VAV3: variants seen among roughly 807,000 people sequenced by gnomAD.
VAV3 encodes vav guanine nucleotide exchange factor 3.
In VAV3, 94 loss-of-function variants were observed where a neutral mutation model predicts 131.2. That is an observed-to-expected ratio of 0.72 (90% CI 0.61 to 0.85). The LOEUF (loss-of-function observed/expected upper bound fraction) is 0.85. Ranked by LOEUF, VAV3 falls within the 40% of genes least tolerant of loss-of-function variation. The probability of loss-of-function intolerance (pLI) is 0.00; values close to 1 mark genes in which losing one functional copy is unlikely to be tolerated. For synonymous variants in VAV3, 349 were observed against 342.0 expected, an observed-to-expected ratio of 1.02 and a Z score of -0.22; for missense variants, 939 against 1,002.7, an observed-to-expected ratio of 0.94 and a Z score of 0.86.
intron 24 of VAV3, among the ~76,000 whole-genome samples, chr1:107,599,570 T>A (rs1281900292): frequency 1.3e-5 from 2 of 152,142 alleles, no homozygotes; most frequent in African/African-American, 2.4e-5. Context: ...AGAACAAAAT[T>A]AATGCCTTGT....
At chr1:107,795,950 G>A (rs1478718118) in intron 2 of VAV3, among the ~76,000 whole-genome samples, 1 of 152,106 alleles carries the variant, frequency 6.6e-6, no homozygotes, top group African/African-American at 2.4e-5. Context: ...CATTGCTAAC[G>A]CCCATCCCAT....
At chr1:107,650,014 AG>A (rs1656035707) in intron 19 of VAV3, among the ~76,000 whole-genome samples, 1 of 152,060 alleles carries the variant, frequency 6.6e-6, no homozygotes, top group South Asian at 2.1e-4. Flanking sequence ...GCTTTATTTA[AG>A]GGTAGGCCAT....
At chr1:107,666,616 C>T (rs1404380626) in intron 19 of VAV3, among the ~76,000 whole-genome samples, 3 of 149,284 alleles carry the variant, frequency 2.0e-5, no homozygotes, top group Non-Finnish European at 4.4e-5. Flanking sequence ...TGCCACCAGG[C>T]TGGAATGCAG....
intron 19 of VAV3, among the ~76,000 whole-genome samples, chr1:107,659,995 A>G (rs994080035): frequency 6.6e-6 from 1 of 152,232 alleles, no homozygotes; most frequent in Non-Finnish European, 1.5e-5. Flanking sequence ...GACACAGGAA[A>G]GCTTCAGAAA....
intron 1 of VAV3, among the ~76,000 whole-genome samples, chr1:107,876,057 AGAG>A (rs1321249119): frequency 7.2e-5 from 11 of 152,186 alleles, no homozygotes; most frequent in African/African-American, 2.7e-4. Context: ...GATCAGGAAA[AGAG>A]GAGGAGCTCA....
chr1:107,752,192 A>G (rs533093257), intron 12 of VAV3, among the ~76,000 whole-genome samples: 1 of 152,346 alleles, frequency 6.6e-6, no homozygotes, highest in South Asian at 2.1e-4. Flanking sequence ...GTCCTCACAT[A>G]TATGGTCAAA....
At chr1:107,802,918 G>C (rs934707092) in intron 2 of VAV3, among the ~76,000 whole-genome samples, 3 of 150,904 alleles carry the variant, frequency 2.0e-5, no homozygotes, top group Non-Finnish European at 4.4e-5. Flanking sequence ...AGTTGAATTG[G>C]TATCAGTTCT....
intron 2 of VAV3, among the ~76,000 whole-genome samples, chr1:107,864,204 G>A (rs6677889): frequency 0.41 from 62,998 of 152,082 alleles, 13,357 homozygotes; most frequent in South Asian, 0.5. Context: ...TTAGAATCAG[G>A]AGAATATCAG....
chr1:107,735,500 C>T (rs896630550), intron 15 of VAV3, among the ~76,000 whole-genome samples: 24 of 151,880 alleles, frequency 1.6e-4, no homozygotes, highest in South Asian at 1.5e-3. Context: ...ATCAAATAGA[C>T]GCAATAAAAA....
chr1:107,876,745 A>G (rs1363549976), intron 1 of VAV3, among the ~76,000 whole-genome samples: 4 of 152,160 alleles, frequency 2.6e-5, no homozygotes, highest in East Asian at 1.9e-4. Context: ...GCAGTGGCAC[A>G]TATTTTTTTA....
intron 19 of VAV3, among the ~76,000 whole-genome samples, chr1:107,674,862 T>C (rs1017586057): frequency 1.3e-5 from 2 of 152,212 alleles, no homozygotes; most frequent in African/African-American, 4.8e-5. Context: ...TATCACCTTC[T>C]TGGTTTGCAT....
intron 25 of VAV3, among the ~76,000 whole-genome samples, chr1:107,582,448 C>T (rs567935245): frequency 2.0e-5 from 3 of 152,110 alleles, no homozygotes; most frequent in African/African-American, 4.8e-5. Flanking sequence ...TTTTAGGGTA[C>T]GTGTGCACAA....
chr1:107,681,452 C>A (rs986493695), intron 19 of VAV3, among the ~76,000 whole-genome samples: 2 of 152,072 alleles, frequency 1.3e-5, no homozygotes, highest in African/African-American at 4.8e-5. Flanking sequence ...AACTAACCAG[C>A]AGAAAGAGGC....
At chr1:107,788,761 A>C (rs1666143750) in intron 2 of VAV3, among the ~76,000 whole-genome samples, 2 of 152,204 alleles carry the variant, frequency 1.3e-5, no homozygotes, top group Non-Finnish European at 2.9e-5. Context: ...TAGTACGCAA[A>C]TGATAAAGAA....
At position 107,683,346 on chromosome 1, in the gene VAV3, A is replaced by G. The variant is rs112132696; in HGVS notation, c.1777+142T>C. 55 of 839,408 alleles carry G rather than the reference A, an allele frequency of 6.6e-5. No individual in the cohort carries two copies. In the East Asian group the frequency reaches 1.4e-3, roughly 21 times the overall value. 52.0% of individuals were successfully genotyped at this position (839,408 alleles called of 1,614,324 possible). On this transcript the variant is annotated intron_variant, in intron 19 of 26. Transcript: ENST00000370056. ...ATGTGAATGATTTACACGTTAGACC[A>G]TGACCTCCTGGTCACACATTATACA...
chr1:107,607,891 C>G (rs1183279183), intron 22 of VAV3, among the ~76,000 whole-genome samples: 1 of 152,166 alleles, frequency 6.6e-6, no homozygotes, highest in Non-Finnish European at 1.5e-5. Flanking sequence ...GACTTGAGAA[C>G]TACCATGCCA....
chr1:107,960,461 G>A (rs948647770), intron 1 of VAV3, among the ~76,000 whole-genome samples: 12 of 145,958 alleles, frequency 8.2e-5, no homozygotes, highest in African/African-American at 2.1e-4. Context: ...GTAAGACTCC[G>A]TCTCAAAAAA....
At chr1:107,819,968 C>G (rs1356445665) in intron 2 of VAV3, among the ~76,000 whole-genome samples, 2 of 151,976 alleles carry the variant, frequency 1.3e-5, no homozygotes, top group Admixed American at 1.3e-4. Context: ...CAAATGCTGA[C>G]GAGGATATGG....
chr1:107,822,826 T>C (rs1667859566), intron 2 of VAV3, among the ~76,000 whole-genome samples: 1 of 152,160 alleles, frequency 6.6e-6, no homozygotes, highest in African/African-American at 2.4e-5. Context: ...AATTATGTCT[T>C]GAACACCTAC....
Sources: gnomAD v4.1 joint callset for allele counts (sites outside exome capture counted in the v4.1 genomes callset) on GRCh38, gnomAD v4.1.1 for gene constraint, MANE v1.5 for transcripts, NCBI Gene and HGNC (gene_info 2026-07-23, HGNC 2026-07-21) for gene names.